ADAMTSL3: variants seen among roughly 807,000 people sequenced by gnomAD.
ADAMTSL3 encodes the protein ADAMTS-like protein 3.
ADAMTSL3 carries 128 observed loss-of-function variants against 201.7 expected under a neutral mutation model. That is an observed-to-expected ratio of 0.63 (90% confidence interval 0.55 to 0.73). The LOEUF is 0.73. ADAMTSL3 is among the 30% of genes least tolerant of loss of function. ADAMTSL3 has a pLI of 0.00. For missense variants in ADAMTSL3, 1,990 were observed against 2,119.6 expected, an observed-to-expected ratio of 0.94 and a Z score of 1.20; for synonymous variants, 738 against 748.4, an observed-to-expected ratio of 0.99 and a Z score of 0.23.
chr15:83,867,069 T>A (rs1371730932), intron 8 of ADAMTSL3, among the ~76,000 whole-genome samples: 19 of 152,350 alleles, frequency 1.2e-4, no homozygotes, highest in Admixed American at 1.1e-3. Context: ...TGGTTTTATT[T>A]TCTGGATTTA....
At chr15:83,750,262 G>A (rs116360059) in intron 3 of ADAMTSL3, among the ~76,000 whole-genome samples, 1,855 of 152,252 alleles carry the variant, frequency 0.012, 40 homozygotes, top group African/African-American at 0.04. Context: ...TTAGCTTTCC[G>A]TATTGCACAG....
chr15:83,730,324 C>A (rs2062245634), intron 3 of ADAMTSL3, among the ~76,000 whole-genome samples: 1 of 152,124 alleles, frequency 6.6e-6, no homozygotes, highest in Admixed American at 6.6e-5. Context: ...GGGGCACTGA[C>A]TTCCTACGGC....
At chr15:83,837,209 G>A (rs1013082230) in intron 6 of ADAMTSL3, among the ~76,000 whole-genome samples, 8 of 151,346 alleles carry the variant, frequency 5.3e-5, no homozygotes, top group South Asian at 2.1e-4. Context: ...TAATGACAGC[G>A]GTGGAGATAC....
chr15:83,982,216 T>C, intron 20 of ADAMTSL3, 57 bp from the exon 21 acceptor site: 1 of 1,363,582 alleles, frequency 7.3e-7, no homozygotes, highest in Non-Finnish European at 1.0e-6. Flanking sequence ...TCAAAAAGTC[T>C]GTATTTTTGA....
chr15:83,785,336 A>G (rs900049092), intron 4 of ADAMTSL3, among the ~76,000 whole-genome samples: 2 of 152,208 alleles, frequency 1.3e-5, no homozygotes, highest in Non-Finnish European at 2.9e-5. Flanking sequence ...ATATCTGAAA[A>G]TGACTTTTTC....
chr15:84,030,571 A>T (rs1306840251), intron 27 of ADAMTSL3, among the ~76,000 whole-genome samples: 1 of 152,146 alleles, frequency 6.6e-6, no homozygotes, highest in Non-Finnish European at 1.5e-5. Flanking sequence ...TTTTCATGTT[A>T]CAGGCTCATA....
At chr15:83,733,356 A>T (rs189829192) in intron 3 of ADAMTSL3, among the ~76,000 whole-genome samples, 118 of 152,280 alleles carry the variant, frequency 7.7e-4, no homozygotes, top group African/African-American at 2.8e-3. Flanking sequence ...ATAGAAGTGG[A>T]GAGGAAGGTT....
At chr15:83,703,449 C>T (rs935456123) in intron 2 of ADAMTSL3, among the ~76,000 whole-genome samples, 1 of 152,180 alleles carries the variant, frequency 6.6e-6, no homozygotes, top group East Asian at 1.9e-4. Context: ...GAATTGTACT[C>T]CTATAATTCC....
At chr15:83,937,382 A>G (rs1029142700) in intron 17 of ADAMTSL3, among the ~76,000 whole-genome samples, 1 of 151,072 alleles carries the variant, frequency 6.6e-6, no homozygotes, top group Non-Finnish European at 1.5e-5. Context: ...ACTAGAGATC[A>G]TTACCTTAAG....
At chr15:83,845,070 A>G (rs1305540776) in intron 7 of ADAMTSL3, among the ~76,000 whole-genome samples, 1 of 152,126 alleles carries the variant, frequency 6.6e-6, no homozygotes, top group Non-Finnish European at 1.5e-5. Context: ...CCATCCCTGA[A>G]CCTGGACCAT....
intron 7 of ADAMTSL3, among the ~76,000 whole-genome samples, chr15:83,840,089 G>A (rs953790796): frequency 6.6e-6 from 1 of 152,098 alleles, no homozygotes; most frequent in African/African-American, 2.4e-5. Flanking sequence ...GAATATAAGA[G>A]GAAACCAATA....
intron 6 of ADAMTSL3, among the ~76,000 whole-genome samples, chr15:83,831,246 A>G (rs991134858): frequency 2.6e-5 from 4 of 152,166 alleles, no homozygotes; most frequent in African/African-American, 9.7e-5. Flanking sequence ...TTTTCCACAT[A>G]TGGTCACATT....
chr15:83,701,820 A>AT (rs1279576654), intron 2 of ADAMTSL3, among the ~76,000 whole-genome samples: 2 of 152,186 alleles, frequency 1.3e-5, no homozygotes, highest in Non-Finnish European at 2.9e-5. Flanking sequence ...AATTGGACTA[A>AT]TTCAGTAAAT....
intron 17 of ADAMTSL3, among the ~76,000 whole-genome samples, chr15:83,936,256 G>A (rs1318209793): frequency 6.6e-6 from 1 of 151,210 alleles, no homozygotes; most frequent in Admixed American, 6.6e-5. Context: ...AAATGATTTT[G>A]GTTAAGTCTA....
intron 13 of ADAMTSL3, among the ~76,000 whole-genome samples, chr15:83,893,673 G>A (rs533683974): frequency 2.6e-4 from 40 of 152,154 alleles, no homozygotes; most frequent in South Asian, 8.3e-4. Flanking sequence ...CAAGTTGTAT[G>A]AAAAAAGAAA....
chr15:83,791,229 A>C (rs2063339647), intron 4 of ADAMTSL3, among the ~76,000 whole-genome samples: 1 of 152,232 alleles, frequency 6.6e-6, no homozygotes, highest in Non-Finnish European at 1.5e-5. Context: ...AATAGAAAAA[A>C]ACAATCTTAA....
intron 19 of ADAMTSL3, among the ~76,000 whole-genome samples, chr15:83,967,484 C>A (rs1018459698): frequency 6.6e-6 from 1 of 152,078 alleles, no homozygotes; most frequent in Non-Finnish European, 1.5e-5. Context: ...ATGTGAAGGA[C>A]CTCTTCAAGG....
At chr15:83,871,057 G>GT (rs765977100) in intron 9 of ADAMTSL3, 98 bp downstream of exon 9, 2 of 1,378,184 alleles carry the variant, frequency 1.5e-6, no homozygotes, top group East Asian at 2.3e-5. Context: ...ATCAATCATT[G>GT]TTTTTTATAC....
At chr15:83,900,812 C>G (rs1220414307) in intron 15 of ADAMTSL3, among the ~76,000 whole-genome samples, 3 of 152,162 alleles carry the variant, frequency 2.0e-5, no homozygotes, top group Non-Finnish European at 2.9e-5. Flanking sequence ...CATCTATGCC[C>G]CATCCCATGT....
Sources: gnomAD v4.1 joint callset for allele counts (sites outside exome capture counted in the v4.1 genomes callset) on GRCh38, gnomAD v4.1.1 for gene constraint, MANE v1.5 for transcripts, NCBI Gene and HGNC (gene_info 2026-07-23, HGNC 2026-07-21) for gene names.